The following DDX10 variants were observed in gnomAD, a reference collection of about 807,000 sequenced individuals.
DDX10 encodes DEAD-box helicase 10.
A neutral mutation model predicts 104.3 loss-of-function variants in DDX10; 74 were observed. The observed-to-expected ratio is 0.71, with a 90% CI of 0.59 to 0.86. The LOEUF (loss-of-function observed/expected upper bound fraction) is 0.86, where lower values mean the gene tolerates loss of function less well. Among genes scored for constraint, DDX10 ranks in the 40% least tolerant of loss-of-function variants. The pLI, the probability that DDX10 is intolerant of heterozygous loss-of-function variation, is 0.00. For synonymous variants in DDX10, 351 were observed against 353.4 expected (o/e 0.99, Z 0.08); for missense variants, 952 against 1,040.0 (o/e 0.92, Z 1.16).
chr11:108,770,236 A>G (rs185753500), intron 13 of DDX10, among the ~76,000 whole-genome samples: 4 of 152,344 alleles, frequency 2.6e-5, no homozygotes, highest in East Asian at 1.9e-4. Context: ...AATTTAACAC[A>G]TTATGGAGAA....
intron 16 of DDX10, 144 bp from the exon 17 acceptor site, chr11:108,917,727 TGA>T: frequency 1.4e-6 from 1 of 713,106 alleles, no homozygotes; most frequent in Non-Finnish European, 2.3e-6. Context: ...GTTGTGGTTC[TGA>T]AAGTCACATA....
At chr11:108,808,334 T>C (rs73556800) in intron 13 of DDX10, among the ~76,000 whole-genome samples, 1,994 of 151,866 alleles carry the variant, frequency 0.013, 40 homozygotes, top group African/African-American at 0.045. Flanking sequence ...CTGAGCAGTT[T>C]AGGATTGATT....
At chr11:108,805,205 G>A (rs915220896) in intron 13 of DDX10, among the ~76,000 whole-genome samples, 23 of 152,218 alleles carry the variant, frequency 1.5e-4, no homozygotes, top group Non-Finnish European at 1.5e-5. Context: ...CAGCATGACT[G>A]CTATTTCGAC....
chr11:108,701,721 CTG>C (rs1212924507), intron 9 of DDX10, among the ~76,000 whole-genome samples: 4 of 110,006 alleles, frequency 3.6e-5, no homozygotes. Flanking sequence ...GTCTGTGACT[CTG>C]TCGCCCAGAG....
At chr11:108,697,457 G>A (rs1201681268) in intron 9 of DDX10, among the ~76,000 whole-genome samples, 4 of 152,054 alleles carry the variant, frequency 2.6e-5, no homozygotes, top group Non-Finnish European at 5.9e-5. Flanking sequence ...AAATTCATTA[G>A]CAAAATAGCT....
intron 13 of DDX10, among the ~76,000 whole-genome samples, chr11:108,820,311 G>A (rs1392857175): frequency 6.6e-6 from 1 of 152,220 alleles, no homozygotes; most frequent in East Asian, 1.9e-4. Context: ...ATTCCACAAT[G>A]ACATATGGCA....
At position 108,677,222 on chromosome 11, in the gene DDX10, T is replaced by G; in HGVS notation, c.516T>G (p.Ala172=). 1 of 1,613,740 alleles carries G rather than the reference T, an allele frequency of 6.2e-7. No homozygotes were observed. Among genetic ancestry groups the G allele is most frequent in the South Asian group, 1.1e-5 (1 of 91,064 alleles). Residue 172 remains alanine, a synonymous_variant, in exon 4 of 18, where the codon GCT becomes GCG. Transcript: ENST00000322536. ...TAGGAAAGAATCATGACTTCTCAGC[T>G]GGTCTCATCATTGGTGGAAAGGTTT... ...RKVGKNHDFS[A]GLIIGGKDLK...
chr11:108,900,875 A>G (rs1393878966), intron 16 of DDX10, among the ~76,000 whole-genome samples: 2 of 152,188 alleles, frequency 1.3e-5, no homozygotes, highest in Non-Finnish European at 2.9e-5. Flanking sequence ...TGTTTCCAGT[A>G]TCTACCTTGT....
intron 17 of DDX10, among the ~76,000 whole-genome samples, chr11:108,926,762 G>GT (rs1157434541): frequency 6.6e-6 from 1 of 152,138 alleles, no homozygotes; most frequent in Admixed American, 6.5e-5. Context: ...AAAATTTATG[G>GT]TAAGGGGAAA....
chr11:108,795,240 C>T (rs76803005), intron 13 of DDX10, among the ~76,000 whole-genome samples: 1,716 of 147,788 alleles, frequency 0.012, 37 homozygotes, highest in African/African-American at 0.04. Context: ...GTTAGTGTAG[C>T]AGCATTTTTT....
At chr11:108,907,416 A>C (rs920252034) in intron 16 of DDX10, among the ~76,000 whole-genome samples, 2 of 150,660 alleles carry the variant, frequency 1.3e-5, no homozygotes, top group African/African-American at 4.9e-5. Flanking sequence ...GCTCACTGCA[A>C]CCTCCACCTC....
intron 13 of DDX10, among the ~76,000 whole-genome samples, chr11:108,776,505 A>G (rs1035896885): frequency 6.6e-6 from 1 of 152,182 alleles, no homozygotes; most frequent in Non-Finnish European, 1.5e-5. Flanking sequence ...CAGTGACCTC[A>G]GGGAAAAAGT....
At chr11:108,841,272 A>T (rs771088672) in intron 14 of DDX10, 43 bp from the exon 15 acceptor site, 1 of 1,561,328 alleles carries the variant, frequency 6.4e-7, no homozygotes, top group Non-Finnish European at 8.8e-7. Context: ...TTTCTGGGGT[A>T]TTCCCTACTT....
At chr11:108,926,763 T>G (rs1163162882) in intron 17 of DDX10, among the ~76,000 whole-genome samples, 1 of 152,094 alleles carries the variant, frequency 6.6e-6, no homozygotes, top group Non-Finnish European at 1.5e-5. Context: ...AAATTTATGG[T>G]AAGGGGAAAA....
In DDX10 at chr11:108,753,522, G is replaced by A. The variant is rs533778271; in HGVS notation, c.1965+30060G>A. Among the ~76,000 whole-genome samples, 18 of 152,016 alleles carry A rather than the reference G, an allele frequency of 1.2e-4. No homozygotes were observed. The South Asian group carries it at 2.5e-3, about 21-fold the overall frequency. Reference sequence around the variant, plus strand: ...GCATTAAAGATACTCTCAAATGGCCGTTCTCCCTCTGTCCATCGTGTTTTC... The same window carrying A: ...GCATTAAAGATACTCTCAAATGGCCATTCTCCCTCTGTCCATCGTGTTTTC... On this transcript the variant is annotated intron_variant, in intron 13 of 17. Coordinates refer to ENST00000322536, the MANE Select transcript of DDX10 (RefSeq NM_004398.4).
intron 16 of DDX10, among the ~76,000 whole-genome samples, chr11:108,878,900 A>G (rs867574222): frequency 6.6e-6 from 1 of 152,212 alleles, no homozygotes; most frequent in Non-Finnish European, 1.5e-5. Flanking sequence ...ACTAAATGCA[A>G]CTGAAATACT....
At chr11:108,722,634 A>G (rs1223987004) in intron 12 of DDX10, among the ~76,000 whole-genome samples, 1 of 152,130 alleles carries the variant, frequency 6.6e-6, no homozygotes, top group African/African-American at 2.4e-5. Flanking sequence ...AGCAACTGTG[A>G]GTTAGGCCTG....
At chr11:108,706,363 TA>T (rs1173712693) in intron 9 of DDX10, among the ~76,000 whole-genome samples, 9 of 149,188 alleles carry the variant, frequency 6.0e-5, no homozygotes, top group South Asian at 2.2e-4. Context: ...GATTTTTTTT[TA>T]AAAAAAGTAT....
At chr11:108,842,179 C>A (rs2134596686) in intron 15 of DDX10, among the ~76,000 whole-genome samples, 1 of 152,246 alleles carries the variant, frequency 6.6e-6, no homozygotes, top group Non-Finnish European at 1.5e-5. Flanking sequence ...ATAGTGGTCA[C>A]ACATGATATT....
Sources: allele counts gnomAD v4.1 joint callset (sites outside exome capture counted in the v4.1 genomes callset), GRCh38; gene constraint gnomAD v4.1.1; transcripts MANE v1.5; gene names NCBI Gene and HGNC (gene_info 2026-07-23, HGNC 2026-07-21).